XKR6: variants seen among roughly 807,000 people sequenced by gnomAD.
XKR6 encodes the protein XK-related protein 6.
Under a neutral mutation model 56.7 loss-of-function variants are expected in XKR6, and 22 were observed. That is an observed-to-expected ratio of 0.39 (90% CI 0.28 to 0.55). The LOEUF (loss-of-function observed/expected upper bound fraction) is 0.55, where lower values mean the gene tolerates loss of function less well. Among genes scored for constraint, XKR6 ranks in the 20% least tolerant of loss-of-function variants. The pLI is 0.66. For missense variants in XKR6, 852 were observed against 889.0 expected, an observed-to-expected ratio of 0.96 and a Z score of 0.53; for synonymous variants, 524 against 387.8, an observed-to-expected ratio of 1.35 and a Z score of -4.13.
At chr8:11,097,472 CTTTT>C (rs564669267) in intron 1 of XKR6, among the ~76,000 whole-genome samples, 1 of 118,382 alleles carries the variant, frequency 8.4e-6, no homozygotes, top group African/African-American at 3.1e-5. Context: ...GCAATATTTT[CTTTT>C]TTTTTTTAAA....
At chr8:11,133,964 AC>A (rs991417140) in intron 1 of XKR6, among the ~76,000 whole-genome samples, 1 of 152,136 alleles carries the variant, frequency 6.6e-6, no homozygotes, top group African/African-American at 2.4e-5. Context: ...TATGTTTTTG[AC>A]CTGATCTTCT....
chr8:11,180,339 C>A (rs985698970), intron 1 of XKR6, among the ~76,000 whole-genome samples: 18 of 152,094 alleles, frequency 1.2e-4, no homozygotes, highest in Non-Finnish European at 2.1e-4. Context: ...GGTTTCTTAA[C>A]CATGGCACAA....
chr8:11,190,966 C>T (rs1445675684), intron 1 of XKR6, among the ~76,000 whole-genome samples: 2 of 152,142 alleles, frequency 1.3e-5, no homozygotes, highest in East Asian at 3.8e-4. Context: ...CTCCACTCTC[C>T]TTGGATTTTT....
At chr8:11,157,582 C>T (rs1430516954) in intron 1 of XKR6, among the ~76,000 whole-genome samples, 1 of 152,134 alleles carries the variant, frequency 6.6e-6, no homozygotes, top group Non-Finnish European at 1.5e-5. Flanking sequence ...GTGGCGTGAT[C>T]ATAGCTCACT....
At chr8:11,134,396 A>G (rs1462667225) in intron 1 of XKR6, among the ~76,000 whole-genome samples, 1 of 152,190 alleles carries the variant, frequency 6.6e-6, no homozygotes, top group Non-Finnish European at 1.5e-5. Flanking sequence ...TAGCAAGGAT[A>G]CAGAGAAAAG....
Position 11,110,525 on chromosome 8 carries a change from T to C in XKR6, c.764+90051A>G, listed in dbSNP as rs187498374. 3.3e-5 allele frequency among the ~76,000 whole-genome samples: 5 copies of C among 152,330 alleles called. No homozygotes were observed. The East Asian group carries it at 9.6e-4, about 29-fold the overall frequency. On this transcript the variant is annotated intron_variant, in intron 1 of 2. Coordinates refer to ENST00000416569, the MANE Select transcript of XKR6 (RefSeq NM_173683.4). ...TTCCACTGAGCTTCTACTCAGTCTC[T>C]ATAGTTCCGTGCATTCTCTTCATTC...
Position 11,104,898 on chromosome 8 carries a change from T to C in XKR6, c.764+95678A>G, listed in dbSNP as rs183690662. On this transcript the variant is annotated intron_variant, in intron 1 of 2. Coordinates refer to ENST00000416569, the MANE Select transcript of XKR6 (RefSeq NM_173683.4). ...TGAGGTTTCAGTGCTTTTTCACATA[T>C]AACTTTTGGAAGTCTGTTCGAGAGA... 106 of 152,352 alleles carry C rather than the reference T, an allele frequency of 7.0e-4. 1 individual carries two copies. The highest frequency in any genetic ancestry group is 3.4e-3 in the Middle Eastern group (1 of 294). 9.4% of individuals were successfully genotyped at this position (152,352 alleles called of 1,614,324 possible). A position where few individuals can be genotyped will look rare whatever the true frequency, so the allele number is the denominator to read the frequency against.
At chr8:11,113,426 T>C (rs1370048683) in intron 1 of XKR6, among the ~76,000 whole-genome samples, 1 of 152,246 alleles carries the variant, frequency 6.6e-6, no homozygotes. Flanking sequence ...GAAGCCACTG[T>C]ATTATCTTCA....
At chr8:10,991,992 G>C (rs1798003825) in intron 1 of XKR6, among the ~76,000 whole-genome samples, 1 of 152,122 alleles carries the variant, frequency 6.6e-6, no homozygotes, top group African/African-American at 2.4e-5. Flanking sequence ...TCTATATACA[G>C]GTGGCCAACA....
chr8:11,057,161 A>G (rs759569009), intron 1 of XKR6, among the ~76,000 whole-genome samples: 5 of 152,090 alleles, frequency 3.3e-5, no homozygotes, highest in Non-Finnish European at 5.9e-5. Context: ...CATGGATCCT[A>G]TTTGTCACCC....
intron 1 of XKR6, among the ~76,000 whole-genome samples, chr8:11,151,609 G>C (rs1442486797): frequency 6.6e-6 from 1 of 152,098 alleles, no homozygotes; most frequent in Non-Finnish European, 1.5e-5. Flanking sequence ...GCGCAGTCTG[G>C]AAGCCTGGTG....
chr8:11,122,659 T>C (rs983006884), intron 1 of XKR6, among the ~76,000 whole-genome samples: 1 of 152,252 alleles, frequency 6.6e-6, no homozygotes, highest in Non-Finnish European at 1.5e-5. Flanking sequence ...TGGTAAATAA[T>C]GTAATTGTTC....
chr8:11,021,118 T>C (rs1798740338), intron 1 of XKR6, among the ~76,000 whole-genome samples: 1 of 152,082 alleles, frequency 6.6e-6, no homozygotes, highest in Non-Finnish European at 1.5e-5. Flanking sequence ...ACCATCTCCA[T>C]AAAACAGCTG....
At chr8:11,076,691 G>T (rs1419125901) in intron 1 of XKR6, among the ~76,000 whole-genome samples, 1 of 152,200 alleles carries the variant, frequency 6.6e-6, no homozygotes, top group Non-Finnish European at 1.5e-5. Flanking sequence ...AGTAAGGAAG[G>T]GTCCAGCTGA....
intron 1 of XKR6, among the ~76,000 whole-genome samples, chr8:11,183,741 T>G (rs1698467246): frequency 6.6e-6 from 1 of 152,196 alleles, no homozygotes; most frequent in African/African-American, 2.4e-5. Flanking sequence ...CTAAGATCTG[T>G]GTTGATTAAT....
At chr8:11,186,479 T>C (rs189344326) in intron 1 of XKR6, among the ~76,000 whole-genome samples, 30 of 152,264 alleles carry the variant, frequency 2.0e-4, no homozygotes, top group Admixed American at 1.6e-3. Context: ...TGGGCTCAAG[T>C]AGTCTTCCCA....
intron 1 of XKR6, among the ~76,000 whole-genome samples, chr8:11,066,605 C>T (rs1431511822): frequency 6.6e-6 from 1 of 152,224 alleles, no homozygotes; most frequent in Non-Finnish European, 1.5e-5. Context: ...CCACAGTCTG[C>T]TTGACCAGCT....
chr8:11,135,047 T>C (rs1475161673), intron 1 of XKR6, among the ~76,000 whole-genome samples: 3 of 151,888 alleles, frequency 2.0e-5, no homozygotes, highest in Admixed American at 1.3e-4. Flanking sequence ...TTTTTTTTTT[T>C]TTTGAGGCGG....
At chr8:10,908,414 G>A (rs370946830) in intron 2 of XKR6, among the ~76,000 whole-genome samples, 1 of 151,902 alleles carries the variant, frequency 6.6e-6, no homozygotes, top group Middle Eastern at 3.4e-3. Context: ...CGTGGAACCA[G>A]CCTGCTTCCC....
Sources: gnomAD v4.1 joint callset for allele counts (sites outside exome capture counted in the v4.1 genomes callset) on GRCh38, gnomAD v4.1.1 for gene constraint, MANE v1.5 for transcripts, NCBI Gene and HGNC (gene_info 2026-07-23, HGNC 2026-07-21) for gene names.